The following LRRC8D variants were observed in gnomAD, a reference collection of about 807,000 sequenced individuals.
LRRC8D encodes leucine rich repeat containing 8 VRAC subunit D, also known as volume-regulated anion channel subunit LRRC8D.
In LRRC8D, 20 loss-of-function variants were observed where a neutral mutation model predicts 55.8. The ratio of observed to expected loss-of-function variants is 0.36; its 90% CI spans 0.25 to 0.52. The LOEUF (loss-of-function observed/expected upper bound fraction) is 0.52, where lower values mean the gene tolerates loss of function less well. Among genes scored for constraint, LRRC8D ranks in the 20% least tolerant of loss-of-function variants. The pLI is 0.93. For synonymous variants in LRRC8D, 352 were observed against 377.0 expected (o/e 0.93, Z 0.77); for missense variants, 651 against 1,030.8 (o/e 0.63, Z 5.05).
intron 2 of LRRC8D, among the ~76,000 whole-genome samples, chr1:89,845,638 T>C (rs1410463743): frequency 6.6e-6 from 1 of 152,136 alleles, no homozygotes; most frequent in East Asian, 1.9e-4. Flanking sequence ...GGTTTCACCA[T>C]GTTGGCCAGG....
intron 2 of LRRC8D, among the ~76,000 whole-genome samples, chr1:89,925,466 A>G (rs1663535922): frequency 6.6e-6 from 1 of 152,218 alleles, no homozygotes; most frequent in Non-Finnish European, 1.5e-5. Context: ...ATTGTCTTCC[A>G]TGAAACCAGT....
At chr1:89,851,957 C>A (rs1462116442) in intron 2 of LRRC8D, among the ~76,000 whole-genome samples, 1 of 151,858 alleles carries the variant, frequency 6.6e-6, no homozygotes, top group Non-Finnish European at 1.5e-5. Context: ...AAGATGTTAA[C>A]CTTGGCCAAT....
chr1:89,830,711 A>G (rs1309977137), intron 1 of LRRC8D, among the ~76,000 whole-genome samples: 3 of 152,042 alleles, frequency 2.0e-5, no homozygotes, highest in Admixed American at 6.5e-5. Flanking sequence ...CTGATTTTTC[A>G]CTGTAAGCCA....
rs148820496 is a variant in LRRC8D, at chr1:89,935,632, C to T, written c.2564C>T (p.Ala855Val). The change falls in exon 3 of 3, where the codon GCA (alanine) becomes GTA (valine). Residue 855 changes from alanine (A) to valine (V), a missense_variant. Physicochemically the swap from Ala to Val is moderately conservative, Grantham distance 64 (BLOSUM62 0). This residue lies in a region of LRRC8D where 338 missense variants were observed against 479.4 expected (regional missense o/e 0.71). Coordinates refer to ENST00000337338, the MANE Select transcript of LRRC8D (RefSeq NM_001134479.2). ...AATCAAGACATAAATATTCCCTTTGCAAATGGGATTTAAACTAAGATAATA... is the reference window on the plus strand; with the variant it reads ...AATCAAGACATAAATATTCCCTTTGTAAATGGGATTTAAACTAAGATAATA... ...ALNQDINIPFANGI is the reference protein window; with the variant it reads ...ALNQDINIPFVNGI 1 of 1,613,386 alleles carries T rather than the reference C, an allele frequency of 6.2e-7. No homozygotes were observed. The highest frequency in any genetic ancestry group is 1.3e-5 in the African/African-American group (1 of 74,934).
At chr1:89,926,128 A>T (rs1234271637) in intron 2 of LRRC8D, among the ~76,000 whole-genome samples, 1 of 152,162 alleles carries the variant, frequency 6.6e-6, no homozygotes, top group Non-Finnish European at 1.5e-5. Flanking sequence ...GCTCAAAACC[A>T]CACCTCTGTG....
At chr1:89,879,263 C>T (rs1662221136) in intron 2 of LRRC8D, among the ~76,000 whole-genome samples, 1 of 152,202 alleles carries the variant, frequency 6.6e-6, no homozygotes, top group South Asian at 2.1e-4. Flanking sequence ...GGGGATGCAG[C>T]TTGCAATTTA....
In LRRC8D at chr1:89,832,426, C is replaced by T. The variant is rs143341049; in HGVS notation, c.-148+11135C>T. 9.2e-5 allele frequency among the ~76,000 whole-genome samples: 14 copies of T among 152,254 alleles called. No individual in the cohort carries two copies. The East Asian group carries it at 2.7e-3, about 29-fold the overall frequency. ...TTATTCCAGTCCTGGGGCTATCATC[C>T]CTGTGTGATCTGAACTATGTCTTTC... On this transcript the variant is annotated intron_variant, in intron 1 of 2. Coordinates refer to ENST00000337338, the MANE Select transcript of LRRC8D (RefSeq NM_001134479.2).
At chr1:89,881,422 A>G (rs1662280338) in intron 2 of LRRC8D, among the ~76,000 whole-genome samples, 1 of 152,248 alleles carries the variant, frequency 6.6e-6, no homozygotes, top group African/African-American at 2.4e-5. Flanking sequence ...TTGCTAGGCT[A>G]AACTAAGGAC....
At chr1:89,887,303 A>G (rs892598195) in intron 2 of LRRC8D, among the ~76,000 whole-genome samples, 1 of 152,212 alleles carries the variant, frequency 6.6e-6, no homozygotes, top group African/African-American at 2.4e-5. Flanking sequence ...ATAATACCTT[A>G]TACGAATGGT....
rs1660991459 is a variant in LRRC8D, at chr1:89,835,767, A to G, written c.-147-7871A>G. Among the ~76,000 whole-genome samples, 2 of 152,234 alleles carry G rather than the reference A, an allele frequency of 1.3e-5. 1 individual carries two copies. Among genetic ancestry groups the G allele is most frequent in the Non-Finnish European group, 2.9e-5 (2 of 68,040 alleles). On this transcript the variant is annotated intron_variant, in intron 1 of 2. Transcript: ENST00000337338. ...ATGGTTTATATAAAATGCTTAGAACAGTTCCTGGCACATAGTTAACACTCA... is the reference window on the plus strand; with the variant it reads ...ATGGTTTATATAAAATGCTTAGAACGGTTCCTGGCACATAGTTAACACTCA...
intron 2 of LRRC8D, among the ~76,000 whole-genome samples, chr1:89,885,167 T>C (rs892923626): frequency 1.3e-5 from 2 of 152,260 alleles, no homozygotes; most frequent in African/African-American, 4.8e-5. Flanking sequence ...CTCTGAAATC[T>C]GGCAAAATCT....
rs544511654 is a variant in LRRC8D at position 89,857,285 on chromosome 1, G to A, written c.-3+13503G>A. Among the ~76,000 whole-genome samples, 4 of 151,382 alleles carry A rather than the reference G, an allele frequency of 2.6e-5. No individual in the cohort carries two copies. The South Asian group carries it at 8.4e-4, about 32-fold the overall frequency. On this transcript the variant is annotated intron_variant, in intron 2 of 2. Coordinates refer to ENST00000337338, the MANE Select transcript of LRRC8D (RefSeq NM_001134479.2). ...GTAATCCCAGTTACTTGGAGGCTGA[G>A]GCAGGAGAATTGCTTGAACCTGGGA...
At chr1:89,821,399 C>G (rs891425645) in intron 1 of LRRC8D, 108 bp downstream of exon 1, 1 of 152,268 alleles carries the variant, frequency 6.6e-6, no homozygotes, top group African/African-American at 2.4e-5. Flanking sequence ...GCGCCGCGGC[C>G]CGAGCTGCGG....
At chr1:89,869,874 C>CT (rs1661952374) in intron 2 of LRRC8D, among the ~76,000 whole-genome samples, 1 of 152,128 alleles carries the variant, frequency 6.6e-6, no homozygotes. Flanking sequence ...CTTTGGGAGG[C>CT]TGAGGCAGGC....
chr1:89,850,445 C>T (rs1661384482), intron 2 of LRRC8D, among the ~76,000 whole-genome samples: 1 of 152,072 alleles, frequency 6.6e-6, no homozygotes. Context: ...TCAAAAGGCC[C>T]CACTGTGTGT....
chr1:89,855,861 T>C (rs1305268425), intron 2 of LRRC8D, among the ~76,000 whole-genome samples: 1 of 152,200 alleles, frequency 6.6e-6, no homozygotes, highest in African/African-American at 2.4e-5. Context: ...GTAGCCTGAG[T>C]ATGAAGTCAG....
At chr1:89,931,200 T>G (rs765531869) in intron 2 of LRRC8D, among the ~76,000 whole-genome samples, 2 of 150,298 alleles carry the variant, frequency 1.3e-5, no homozygotes, top group African/African-American at 2.4e-5. Context: ...TCATTGTATT[T>G]TATTAAAAAA....
intron 1 of LRRC8D, among the ~76,000 whole-genome samples, chr1:89,840,306 A>T (rs12123312): frequency 0.21 from 32,050 of 152,248 alleles, 4,571 homozygotes; most frequent in Middle Eastern, 0.32. Flanking sequence ...GAGCGGGCGA[A>T]TAGCTGACCA....
At chr1:89,831,054 C>T (rs1660874611) in intron 1 of LRRC8D, among the ~76,000 whole-genome samples, 1 of 151,876 alleles carries the variant, frequency 6.6e-6, no homozygotes, top group Non-Finnish European at 1.5e-5. Context: ...TACAGGTACG[C>T]ACCACCACAC....
Sources: gnomAD v4.1 joint callset for allele counts (sites outside exome capture counted in the v4.1 genomes callset) on GRCh38, gnomAD v4.1.1 for gene constraint, gnomAD v4.1.1 regional missense constraint, MANE v1.5 for transcripts, NCBI Gene and HGNC (gene_info 2026-07-23, HGNC 2026-07-21) for gene names.